Variants in LMO3 observed in about 807,000 individuals in gnomAD.
LMO3 encodes the protein LIM domain only protein 3.
In LMO3, 2 loss-of-function variants were observed where a neutral mutation model predicts 15.8. The ratio of observed to expected loss-of-function variants is 0.13; its 90% CI spans 0.05 to 0.40. The LOEUF (loss-of-function observed/expected upper bound fraction) is 0.40. Ranked by LOEUF, LMO3 falls within the 10% of genes least tolerant of loss-of-function variation. The pLI, the probability that LMO3 is intolerant of heterozygous loss-of-function variation, is 0.99. For missense variants in LMO3, 86 were observed against 182.2 expected, an observed-to-expected ratio of 0.47 and a Z score of 3.04; for synonymous variants, 62 against 63.8, an observed-to-expected ratio of 0.97 and a Z score of 0.13.
In LMO3 at chr12:16,551,049, T is replaced by C. The variant is rs1002621333; in HGVS notation, c.*173A>G. ...TAATAATAAACATTCAACTCTGAACTGGGGCAATTTCACTACATACAGATG... is the reference window on the plus strand; with the variant it reads ...TAATAATAAACATTCAACTCTGAACCGGGGCAATTTCACTACATACAGATG... On this transcript the variant is annotated 3_prime_UTR_variant, in exon 4 of 4. Transcript: ENST00000537304. The C allele has an allele frequency of 1.9e-6, 1 of 530,154 alleles. No homozygotes were observed. The highest frequency in any genetic ancestry group is 3.4e-6 in the Non-Finnish European group (1 of 294,630). The allele number at this position is 530,154 out of a possible 1,614,324, so 32.8% of individuals were successfully genotyped here. A position where few individuals can be genotyped will look rare whatever the true frequency, so the allele number is the denominator to read the frequency against.
At chr12:16,602,479 G>A (rs1022274909) in intron 1 of LMO3, among the ~76,000 whole-genome samples, 1 of 152,234 alleles carries the variant, frequency 6.6e-6, no homozygotes, top group Non-Finnish European at 1.5e-5. Flanking sequence ...GTTGTGTAGG[G>A]AATGGCAGGA....
At position 16,550,338 on chromosome 12, in the gene LMO3, T is replaced by A. The variant is rs1941943144; in HGVS notation, c.*884A>T. ...TCATCTCATAATTGTGGTAACAGAT[T>A]TTTAAAGTAACCCTTTGGAAAAAAT... On this transcript the variant is annotated 3_prime_UTR_variant, in exon 4 of 4. Coordinates refer to ENST00000537304, the MANE Select transcript of LMO3 (RefSeq NM_018640.5). The A allele has an allele frequency of 6.6e-6, 1 of 152,422 alleles. No individual in the cohort carries two copies. The highest frequency in any genetic ancestry group is 2.1e-4 in the South Asian group (1 of 4,824). The allele number at this position is 152,422 out of a possible 1,614,324, so 9.4% of individuals were successfully genotyped here.
chr12:16,602,912 G>A (rs1943868838), intron 1 of LMO3, among the ~76,000 whole-genome samples: 1 of 151,608 alleles, frequency 6.6e-6, no homozygotes, highest in African/African-American at 2.4e-5. Context: ...TTCTAATTAA[G>A]CCATCCTAAT....
At chr12:16,570,623 TACTC>T (rs1197397453) in intron 2 of LMO3, among the ~76,000 whole-genome samples, 7 of 152,198 alleles carry the variant, frequency 4.6e-5, no homozygotes, top group East Asian at 3.9e-4. Flanking sequence ...AAGAGCCACT[TACTC>T]ACTCAGGCAC....
At chr12:16,570,468 T>C (rs896059888) in intron 2 of LMO3, among the ~76,000 whole-genome samples, 1 of 151,990 alleles carries the variant, frequency 6.6e-6, no homozygotes. Flanking sequence ...AAAAGAAAAA[T>C]AAAGAAAATG....
rs1053593205 is a variant in LMO3 at position 16,560,842 on chromosome 12, T to TTAGAG, written c.207-309_207-305dup. The TTAGAG allele has an allele frequency of 1.0e-4, 39 of 387,550 alleles. No individual in the cohort carries two copies. Among genetic ancestry groups the TTAGAG allele is most frequent in the African/African-American group, 7.3e-4 (35 of 47,692 alleles). The allele number at this position is 387,550 out of a possible 1,614,324, so 24.0% of individuals were successfully genotyped here. ...TGAATTCATAGCAAAAATCTCTGGG[T>TTAGAG]TAGAGTATATAGAAAATATAAAAGC... On this transcript the variant is annotated intron_variant, in intron 2 of 3. Coordinates refer to ENST00000537304, the MANE Select transcript of LMO3 (RefSeq NM_018640.5). The surrounding 1 kb of genome is among the most constrained non-coding windows in gnomAD (Gnocchi z 5.0).
rs1455051312 is a variant in LMO3 at position 16,550,977 on chromosome 12, G to A, written c.*245C>T. On this transcript the variant is annotated 3_prime_UTR_variant, in exon 4 of 4. Transcript: ENST00000537304. ...ATCTCATGCCAAGTGACACAAAAAC[G>A]AATAGCAAGCAAAAAAATCCAGCCA... is the stretch of plus-strand genomic sequence containing the variant. 1.0e-5 allele frequency: 4 copies of A among 399,082 alleles called. No individual in the cohort carries two copies. The highest frequency in any genetic ancestry group is 6.0e-5 in the African/African-American group (3 of 50,282). 24.7% of individuals were successfully genotyped at this position (399,082 alleles called of 1,614,324 possible).
intron 2 of LMO3, among the ~76,000 whole-genome samples, chr12:16,592,523 T>G (rs943965794): frequency 5.3e-5 from 8 of 152,022 alleles, no homozygotes; most frequent in Admixed American, 1.3e-4. Context: ...AACCTGCTCA[T>G]GGAAACTAAT....
Position 16,549,179 on chromosome 12 carries a change from A to G in LMO3, c.*2043T>C, listed in dbSNP as rs371341050. ...ACCACTTTTCACTGATCTCTCCCCC[A>G]CATATTTTTAATTTGTCTTGCTTTG... On this transcript the variant is annotated 3_prime_UTR_variant, in exon 4 of 4. Transcript: ENST00000537304. 6.6e-6 allele frequency: 1 copy of G among 152,120 alleles called. No homozygotes were observed. The highest frequency in any genetic ancestry group is 2.4e-5 in the African/African-American group (1 of 41,428). The allele number at this position is 152,120 out of a possible 1,614,324, so 9.4% of individuals were successfully genotyped here.
In LMO3 at chr12:16,604,295, C is replaced by A. The variant is rs1943918846; in HGVS notation, c.-9+1771G>T. On this transcript the variant is annotated intron_variant, in intron 1 of 3. Transcript: ENST00000537304. This position sits in a 1 kb window ranked among gnomAD's most constrained non-coding sequence, Gnocchi z 5.3. ...CAAATAGATGTCCCCAGATCTCAGG[C>A]ACTGGAGCTGCTTAACTCTGTTCTG... Among the ~76,000 whole-genome samples the A allele has an allele frequency of 6.6e-6, 1 of 152,126 alleles. No homozygotes were observed. The highest frequency in any genetic ancestry group is 2.1e-4 in the South Asian group (1 of 4,820).
chr12:16,564,847 G>A (rs1942536137), intron 2 of LMO3, among the ~76,000 whole-genome samples: 1 of 152,138 alleles, frequency 6.6e-6, no homozygotes, highest in Admixed American at 6.6e-5. Flanking sequence ...ATGCAGTGGT[G>A]TGACCATGAG....
Position 16,560,653 on chromosome 12 carries a change from G to A in LMO3, c.207-115C>T, listed in dbSNP as rs1246404932. The A allele has an allele frequency of 1.7e-5, 15 of 894,012 alleles. No individual in the cohort carries two copies. The highest frequency in any genetic ancestry group is 1.7e-6 in the Non-Finnish European group (1 of 582,266). 55.4% of individuals were successfully genotyped at this position (894,012 alleles called of 1,614,324 possible). On this transcript the variant is annotated intron_variant, in intron 2 of 3. Coordinates refer to ENST00000537304, the MANE Select transcript of LMO3 (RefSeq NM_018640.5). This position sits in a 1 kb window ranked among gnomAD's most constrained non-coding sequence, Gnocchi z 5.0. ...GCTACAATACACAATGCTTTATGAT[G>A]TACACAAGTGGATTTTATCCTAGGT...
intron 2 of LMO3, among the ~76,000 whole-genome samples, chr12:16,570,676 C>T (rs566256033): frequency 1.2e-4 from 18 of 152,236 alleles, no homozygotes; most frequent in South Asian, 2.1e-4. Context: ...GAAACACGAA[C>T]GAGTGATTGG....
At chr12:16,605,346 C>T in intron 1 of LMO3, 2 of 1,157,950 alleles carry the variant, frequency 1.7e-6, no homozygotes, top group African/African-American at 1.6e-5. Flanking sequence ...AAAAAATGTG[C>T]TGCATCAGTT....
rs1943875213 is a variant in LMO3 at position 16,603,040 on chromosome 12, G to A, written c.-8-2172C>T. Among the ~76,000 whole-genome samples the A allele has an allele frequency of 6.6e-6, 1 of 151,190 alleles. No individual in the cohort carries two copies. The highest frequency in any genetic ancestry group is 2.1e-4 in the South Asian group (1 of 4,792). ...CAGCTAAGTTATATTTCCCACAGTT[G>A]TGTTTCTACCATCAAGCATAGAAGG... is the stretch of plus-strand genomic sequence containing the variant. On this transcript the variant is annotated intron_variant, in intron 1 of 3. Transcript: ENST00000537304. The surrounding 1 kb of genome is among the most constrained non-coding windows in gnomAD (Gnocchi z 4.9).
rs1591836889 is a variant in LMO3 at position 16,604,056 on chromosome 12, G to T, written c.-9+2010C>A. Among the ~76,000 whole-genome samples the T allele has an allele frequency of 6.6e-6, 1 of 152,160 alleles. No homozygotes were observed. Among genetic ancestry groups the T allele is most frequent in the Non-Finnish European group, 1.5e-5 (1 of 68,022 alleles). ...ATGGGAATGCAGGTTCTGCAGCTGG[G>T]AGCATTGACACAGATTAAAAGAATT... On this transcript the variant is annotated intron_variant, in intron 1 of 3. Coordinates refer to ENST00000537304, the MANE Select transcript of LMO3 (RefSeq NM_018640.5). This position sits in a 1 kb window ranked among gnomAD's most constrained non-coding sequence, Gnocchi z 5.3.
In LMO3 at chr12:16,585,990, C is replaced by G. The variant is rs917919104; in HGVS notation, c.206+14665G>C. 1.3e-5 allele frequency among the ~76,000 whole-genome samples: 2 copies of G among 152,060 alleles called. No individual in the cohort carries two copies. The highest frequency in any genetic ancestry group is 2.9e-5 in the Non-Finnish European group (2 of 68,014). The stretch of plus-strand genomic sequence containing the variant: ...TTGTGTGATACAGTAAACAAAGTCC[C>G]CAATAGCATCCTTAGGACACTGATG... On this transcript the variant is annotated intron_variant, in intron 2 of 3. Transcript: ENST00000537304. The surrounding 1 kb of genome is among the most constrained non-coding windows in gnomAD (Gnocchi z 4.7).
rs1395806183 is a variant in LMO3 at position 16,549,048 on chromosome 12, T to A, written c.*2174A>T. On this transcript the variant is annotated 3_prime_UTR_variant, in exon 4 of 4. Transcript: ENST00000537304. ...TATAGATAAACAAAAGCAAAACCAGTTAAACCTTAAAAGATCATCTGAATA... is the reference window on the plus strand; with the variant it reads ...TATAGATAAACAAAAGCAAAACCAGATAAACCTTAAAAGATCATCTGAATA... 6.6e-6 allele frequency: 1 copy of A among 152,098 alleles called. No individual in the cohort carries two copies. Among genetic ancestry groups the A allele is most frequent in the East Asian group, 1.9e-4 (1 of 5,192 alleles). 9.4% of individuals were successfully genotyped at this position (152,098 alleles called of 1,614,324 possible).
In LMO3 at chr12:16,576,041, G is replaced by A. The variant is rs1942985939; in HGVS notation, c.207-15503C>T. On this transcript the variant is annotated intron_variant, in intron 2 of 3. Coordinates refer to ENST00000537304, the MANE Select transcript of LMO3 (RefSeq NM_018640.5). The surrounding 1 kb of genome is among the most constrained non-coding windows in gnomAD (Gnocchi z 4.1). ...TAGCCCTGCCGCTGTGTTAAAAGGGGATCTGTCCTCTTTTGTCTCAGTAAG... is the reference window on the plus strand; with the variant it reads ...TAGCCCTGCCGCTGTGTTAAAAGGGAATCTGTCCTCTTTTGTCTCAGTAAG... 6.6e-6 allele frequency among the ~76,000 whole-genome samples: 1 copy of A among 152,104 alleles called. No homozygotes were observed. The highest frequency in any genetic ancestry group is 6.6e-5 in the Admixed American group (1 of 15,258).
Sources: allele counts gnomAD v4.1 joint callset (sites outside exome capture counted in the v4.1 genomes callset), GRCh38; gene constraint gnomAD v4.1.1; non-coding constraint Gnocchi (gnomAD v3.1); transcripts MANE v1.5; gene names NCBI Gene and HGNC (gene_info 2026-07-23, HGNC 2026-07-21).